The following BAG6 variants were observed in gnomAD, a reference collection of about 807,000 sequenced individuals.
The protein encoded by BAG6 is large proline-rich protein BAG6.
A neutral mutation model predicts 121.0 loss-of-function variants in BAG6; 22 were observed. The ratio of observed to expected loss-of-function variants is 0.18; its 90% confidence interval spans 0.13 to 0.26. The LOEUF is 0.26. BAG6 is among the 10% of genes least tolerant of loss of function. The pLI, the probability that BAG6 is intolerant of heterozygous loss-of-function variation, is 1.00. For synonymous variants in BAG6, 583 were observed against 584.6 expected, an observed-to-expected ratio of 1.00 and a Z score of 0.04; for missense variants, 1,233 against 1,537.7, an observed-to-expected ratio of 0.80 and a Z score of 3.31.
At position 31,640,581 on chromosome 6, in the gene BAG6, C is replaced by T; in HGVS notation, c.2995-53G>A. ...GGCTTCAGAATTTTTAGCCTCCAAACCTTTCTCCCCCAGCCCTCCACTCCA... is the reference window on the plus strand; with the variant it reads ...GGCTTCAGAATTTTTAGCCTCCAAATCTTTCTCCCCCAGCCCTCCACTCCA... On this transcript the variant is annotated intron_variant, in intron 22 of 25. Transcript: ENST00000676615. This position sits in a 1 kb window ranked among gnomAD's most constrained non-coding sequence, Gnocchi z 4.2. The T allele has an allele frequency of 3.1e-6, 5 of 1,612,658 alleles. No individual in the cohort carries two copies. The South Asian group carries it at 4.4e-5, about 14-fold the overall frequency.
chr6:31,641,339 C>A lies in BAG6; in HGVS notation c.2643G>T (p.Ala881=), dbSNP rs142878083. The A allele has an allele frequency of 3.7e-6, 6 of 1,614,210 alleles. No homozygotes were observed. Among genetic ancestry groups the A allele is most frequent in the Non-Finnish European group, 5.1e-6 (6 of 1,180,034 alleles). ...CCTGACCTGTGCAATGCAGCACATGCGCAGCAATGCTATTAAACTGCTCTT... is the reference window on the plus strand; with the variant it reads ...CCTGACCTGTGCAATGCAGCACATGAGCAGCAATGCTATTAAACTGCTCTT... ...FLQEQFNSIA[A]HVLHCTDSGF... The change falls in exon 19 of 26, where the codon GCG becomes GCT. Residue 881 remains alanine, a synonymous_variant. Transcript: ENST00000676615. This position sits in a 1 kb window ranked among gnomAD's most constrained non-coding sequence, Gnocchi z 5.7.
At chr6:31,647,496 A>C in intron 7 of BAG6, 95 bp downstream of exon 7, 1 of 1,565,162 alleles carries the variant, frequency 6.4e-7, no homozygotes, top group East Asian at 2.3e-5. Context: ...TAAGACCTCC[A>C]AGTAATCCTT....
rs1785882696 is a variant in BAG6 at position 31,643,997 on chromosome 6, G to A, written c.1669-20C>T. The A allele has an allele frequency of 6.2e-7, 1 of 1,613,872 alleles. No homozygotes were observed. The highest frequency in any genetic ancestry group is 1.3e-5 in the African/African-American group (1 of 74,908). ...GCCCTGCTGGATAGAGAGCAAGGGA[G>A]AATTTCAGACCTGCCCTTCCATGCA... is the stretch of plus-strand genomic sequence containing the variant. On this transcript the variant is annotated intron_variant, in intron 13 of 25. Coordinates refer to ENST00000676615, the MANE Select transcript of BAG6 (RefSeq NM_001387994.1).
In BAG6 at chr6:31,640,178, T is replaced by C. The variant is rs1412959198; in HGVS notation, c.3246+21A>G. On this transcript the variant is annotated intron_variant, in intron 24 of 25. Transcript: ENST00000676615. This position sits in a 1 kb window ranked among gnomAD's most constrained non-coding sequence, Gnocchi z 4.2. Reference sequence around the variant, plus strand: ...GGGAAACCTGGATAGAGAGAGAGGCTTAGGGAAGAGGAAAACCAACCTTGC... The same window carrying C: ...GGGAAACCTGGATAGAGAGAGAGGCCTAGGGAAGAGGAAAACCAACCTTGC... The C allele has an allele frequency of 1.9e-6, 3 of 1,608,928 alleles. No individual in the cohort carries two copies. The highest frequency in any genetic ancestry group is 2.6e-6 in the Non-Finnish European group (3 of 1,175,680).
intron 8 of BAG6, 102 bp from the exon 9 acceptor site, chr6:31,645,706 A>G: frequency 7.1e-7 from 1 of 1,404,960 alleles, no homozygotes; most frequent in Non-Finnish European, 9.8e-7. Context: ...ATGTCCTCCA[A>G]AACTTTCAGT....
intron 15 of BAG6, 104 bp from the exon 16 acceptor site, chr6:31,642,507 T>C (rs1783923817): frequency 1.5e-6 from 1 of 653,900 alleles, no homozygotes; most frequent in Admixed American, 2.7e-5. Context: ...TCTGGGAAGA[T>C]GGGGAGTTAC....
chr6:31,644,356 G>A lies in BAG6; in HGVS notation c.1506C>T (p.His502=). The change falls in exon 12 of 26, where the codon CAC becomes CAT. Residue 502 remains histidine (H), a synonymous_variant. Coordinates refer to ENST00000676615, the MANE Select transcript of BAG6 (RefSeq NM_001387994.1). This position sits in a 1 kb window ranked among gnomAD's most constrained non-coding sequence, Gnocchi z 4.9. ...LPPEFMHAVA[H]QITHQAMVAA... The stretch of plus-strand genomic sequence containing the variant: ...CCACCATGGCCTGATGAGTGATCTG[G>A]TGGGCGACGGCGTGCATGAACTCAG... 3 of 1,551,504 alleles carry A rather than the reference G, an allele frequency of 1.9e-6. No homozygotes were observed. Among genetic ancestry groups the A allele is most frequent in the Non-Finnish European group, 2.6e-6 (3 of 1,147,190 alleles).
Position 31,641,273 on chromosome 6 carries a change from T to G in BAG6, c.2663-45A>C. On this transcript the variant is annotated intron_variant, in intron 19 of 25. Transcript: ENST00000676615. The surrounding 1 kb of genome is among the most constrained non-coding windows in gnomAD (Gnocchi z 5.7). Reference sequence around the variant, plus strand: ...AGGGAATGCTGGCACGTGGCAGCCCTGCACATGCAACAGGCCCCACTTGCC... The same window carrying G: ...AGGGAATGCTGGCACGTGGCAGCCCGGCACATGCAACAGGCCCCACTTGCC... 1 of 1,613,952 alleles carries G rather than the reference T, an allele frequency of 6.2e-7. No individual in the cohort carries two copies. The highest frequency in any genetic ancestry group is 8.5e-7 in the Non-Finnish European group (1 of 1,179,822).
chr6:31,649,649 A>C (rs778288763), intron 2 of BAG6, 22 bp from the exon 3 acceptor site: 1 of 1,595,424 alleles, frequency 6.3e-7, no homozygotes, highest in Non-Finnish European at 8.6e-7. Context: ...AGGCATGCAC[A>C]GGAATGGAAA....
rs773368431 is a variant in BAG6 at position 31,649,066 on chromosome 6, A to T, written c.424-102T>A. Reference sequence around the variant, plus strand: ...GCCCTACCTCCTTTTCTCCTTAAAGACTGAGACCAATAGCACACCACAGGG... The same window carrying T: ...GCCCTACCTCCTTTTCTCCTTAAAGTCTGAGACCAATAGCACACCACAGGG... On this transcript the variant is annotated intron_variant, in intron 4 of 25. Coordinates refer to ENST00000676615, the MANE Select transcript of BAG6 (RefSeq NM_001387994.1). The T allele has an allele frequency of 6.6e-4, 987 of 1,494,854 alleles. 2 individuals carry two copies. Among genetic ancestry groups the T allele is most frequent in the Non-Finnish European group, 8.6e-4 (954 of 1,103,698 alleles). The allele number at this position is 1,494,854 out of a possible 1,614,324, so 92.6% of individuals were successfully genotyped here.
At chr6:31,651,867 T>TA in intron 1 of BAG6, 91 bp from the exon 2 acceptor site, 1 of 907,790 alleles carries the variant, frequency 1.1e-6, no homozygotes, top group South Asian at 1.4e-5. Flanking sequence ...CCCCAATACC[T>TA]AAAAAGTTTC....
Position 31,649,329 on chromosome 6 carries a change from G to A in BAG6, c.293C>T (p.Ala98Val), listed in dbSNP as rs777636218. ...TGAGGCAGACCCCGTCCCAGAAGAT[G>A]CCCCAGAAGGGAGGTGAGTCTGAGG... ...APPQTHLPSG[A>V]SSGTGSASAT... Residue 98 changes from alanine (A) to valine (V), a missense_variant, in exon 4 of 26, where the codon GCA becomes GTA. By Grantham distance (64) the Ala-to-Val change is moderately conservative (BLOSUM62 0). This residue lies in a region of BAG6 where 777 missense variants were observed against 861.4 expected (regional missense o/e 0.90). Transcript: ENST00000676615. The A allele has an allele frequency of 1.9e-6, 3 of 1,613,324 alleles. No individual in the cohort carries two copies. The highest frequency in any genetic ancestry group is 2.2e-5 in the East Asian group (1 of 44,886).
At chr6:31,649,021 C>T in intron 4 of BAG6, 57 bp from the exon 5 acceptor site, 1 of 1,510,352 alleles carries the variant, frequency 6.6e-7, no homozygotes, top group Non-Finnish European at 8.9e-7. Context: ...GGCCTCCACA[C>T]CTCCAATTCA....
In BAG6 at chr6:31,645,514, G is replaced by C. The variant is rs764708223; in HGVS notation, c.1009C>G (p.Leu337Val). 9.3e-6 allele frequency: 15 copies of C among 1,613,152 alleles called. No homozygotes were observed. The South Asian group carries it at 1.6e-4, about 18-fold the overall frequency. The change falls in exon 9 of 26, where the codon CTG becomes GTG. Residue 337 changes from leucine (L) to valine (V), a missense_variant. Leu to Val is a conservative substitution (Grantham distance 32). Around this residue, in one of 7 missense-constraint regions of BAG6, gnomAD observed 777 missense variants for 861.4 expected, o/e 0.90. Transcript: ENST00000676615. Reference protein sequence around the residue: ...LGNTFVALSDLRCNLACTPPR... With the variant: ...LGNTFVALSDVRCNLACTPPR... The stretch of plus-strand genomic sequence containing the variant: ...GGCGTGCAGGCCAGATTGCAGCGCA[G>C]GTCAGACAGTGCAACAAAGGTGTTG...
At chr6:31,646,692 T>A (rs1789762068) in intron 7 of BAG6, among the ~76,000 whole-genome samples, 169 bp from the exon 8 acceptor site, 1 of 151,594 alleles carries the variant, frequency 6.6e-6, no homozygotes, top group South Asian at 2.1e-4. Context: ...CCTCCCAGGT[T>A]CAAACGATTC....
intron 1 of BAG6, chr6:31,652,071 T>C: frequency 3.2e-6 from 1 of 313,826 alleles, no homozygotes; most frequent in South Asian, 5.5e-5. Flanking sequence ...CAGAGACTAG[T>C]GTCATCACCG....
intron 4 of BAG6, 106 bp from the exon 5 acceptor site, chr6:31,649,070 A>C: frequency 6.7e-7 from 1 of 1,490,800 alleles, no homozygotes; most frequent in African/African-American, 1.4e-5. Context: ...TTAAAGACTG[A>C]GACCAATAGC....
chr6:31,639,384 G>A, intron 25 of BAG6, 116 bp downstream of exon 25: 2 of 1,514,710 alleles, frequency 1.3e-6, no homozygotes, highest in Non-Finnish European at 1.8e-6. Flanking sequence ...GATGCCAAAG[G>A]GGAAAACAAA....
At chr6:31,648,786 A>C (rs1419514380) in intron 5 of BAG6, 35 bp from the exon 6 acceptor site, 13 of 1,612,640 alleles carry the variant, frequency 8.1e-6, no homozygotes, top group Non-Finnish European at 1.0e-5. Flanking sequence ...GGTAGGTTAC[A>C]GATGAAGCCA....
Sources: allele counts gnomAD v4.1 joint callset (sites outside exome capture counted in the v4.1 genomes callset), GRCh38; gene constraint gnomAD v4.1.1; regional missense constraint gnomAD v4.1.1; non-coding constraint Gnocchi (gnomAD v3.1); transcripts MANE v1.5; gene names NCBI Gene and HGNC (gene_info 2026-07-23, HGNC 2026-07-21).